Variants in UBE2G1 observed in about 807,000 individuals in gnomAD.
UBE2G1 encodes the protein ubiquitin-conjugating enzyme E2 G1.
UBE2G1 carries 5 observed loss-of-function variants against 22.7 expected under a neutral mutation model. That is an observed-to-expected ratio of 0.22 (90% CI 0.12 to 0.46). The LOEUF is 0.46. Among genes scored for constraint, UBE2G1 ranks in the 20% least tolerant of loss-of-function variants. The pLI, the probability that UBE2G1 is intolerant of heterozygous loss-of-function variation, is 0.99. For synonymous variants in UBE2G1, 74 were observed against 67.5 expected, an observed-to-expected ratio of 1.10 and a Z score of -0.47; for missense variants, 88 against 203.9, an observed-to-expected ratio of 0.43 and a Z score of 3.46.
intron 2 of UBE2G1, chr17:4,301,557 TG>T: frequency 7.5e-7 from 1 of 1,335,798 alleles, no homozygotes; most frequent in Non-Finnish European, 1.1e-6. Context: ...CTGGTATTCT[TG>T]GCCCAATGTA....
intron 5 of UBE2G1, among the ~76,000 whole-genome samples, chr17:4,280,625 C>T (rs1400810311): frequency 6.6e-6 from 1 of 150,978 alleles, no homozygotes; most frequent in Admixed American, 6.6e-5. Flanking sequence ...CATGAGCCAC[C>T]ATGCCCGGCT....
Position 4,307,025 on chromosome 17 carries a change from G to A in UBE2G1, c.145C>T (p.Leu49Phe), listed in dbSNP as rs747086121. Reference protein sequence around the residue: ...EVLIIGPPDTLYEGGVFKAHL... With the variant: ...EVLIIGPPDTFYEGGVFKAHL... ...TGTCAGTTCCATTATACTTACTAAA[G>A]TGTATCTGGAGGGCCAATAATAAGG... is the stretch of plus-strand genomic sequence containing the variant. The change falls in exon 2 of 6, where the codon CTT becomes TTT. Residue 49 changes from leucine to phenylalanine, a missense_variant. Physicochemically the swap from Leu to Phe is conservative, Grantham distance 22. This residue lies in a region of UBE2G1 where 50 missense variants were observed against 71.0 expected (regional missense o/e 0.70). Transcript: ENST00000396981. 2 of 1,612,308 alleles carry A rather than the reference G, an allele frequency of 1.2e-6. No individual in the cohort carries two copies. The highest frequency in any genetic ancestry group is 1.3e-5 in the African/African-American group (1 of 74,878).
chr17:4,284,269 A>G (rs1461752243), intron 4 of UBE2G1, among the ~76,000 whole-genome samples: 2 of 152,052 alleles, frequency 1.3e-5, no homozygotes, highest in Non-Finnish European at 2.9e-5. Context: ...ATAATAATAT[A>G]TAAACTTTAT....
intron 1 of UBE2G1, among the ~76,000 whole-genome samples, chr17:4,312,085 T>C (rs1969316620): frequency 6.6e-6 from 1 of 151,644 alleles, no homozygotes; most frequent in South Asian, 2.1e-4. Flanking sequence ...TCATCTCCAC[T>C]AAAAATACAA....
chr17:4,364,713 G>A (rs190784301), intron 1 of UBE2G1, among the ~76,000 whole-genome samples: 82 of 152,204 alleles, frequency 5.4e-4, no homozygotes, highest in Non-Finnish European at 6.5e-4. Context: ...CTGAGTAGCT[G>A]GGATTACAGG....
At chr17:4,349,619 G>A (rs1292818143) in intron 1 of UBE2G1, among the ~76,000 whole-genome samples, 3 of 151,834 alleles carry the variant, frequency 2.0e-5, no homozygotes, top group Admixed American at 1.3e-4. Flanking sequence ...CGAGGTGGGC[G>A]GATCACGAGG....
intron 1 of UBE2G1, among the ~76,000 whole-genome samples, chr17:4,317,513 C>A (rs1969389127): frequency 6.6e-6 from 1 of 152,074 alleles, no homozygotes; most frequent in Non-Finnish European, 1.5e-5. Context: ...AGAGTGAGAC[C>A]CTGTCTCAAA....
chr17:4,301,409 G>C, intron 2 of UBE2G1: 1 of 636,330 alleles, frequency 1.6e-6, no homozygotes, highest in Non-Finnish European at 3.0e-6. Context: ...CAGTCACCTG[G>C]CTATGACTTT....
At chr17:4,299,391 T>G (rs983547634) in intron 2 of UBE2G1, among the ~76,000 whole-genome samples, 1 of 152,034 alleles carries the variant, frequency 6.6e-6, no homozygotes, top group Non-Finnish European at 1.5e-5. Flanking sequence ...AGAGTGAGAC[T>G]CTGTCTCAAC....
At chr17:4,318,375 G>A (rs184424574) in intron 1 of UBE2G1, among the ~76,000 whole-genome samples, 215 of 152,104 alleles carry the variant, frequency 1.4e-3, no homozygotes, top group Middle Eastern at 0.01. Context: ...CAAGGCCCCC[G>A]GTACCCCAAG....
At chr17:4,340,903 A>AAAC (rs1969704214) in intron 1 of UBE2G1, among the ~76,000 whole-genome samples, 1 of 150,478 alleles carries the variant, frequency 6.6e-6, no homozygotes, top group African/African-American at 2.5e-5. Flanking sequence ...TTAAAAAAAA[A>AAAC]AAAAAAAAAC....
At chr17:4,321,044 G>C (rs1327023603) in intron 1 of UBE2G1, among the ~76,000 whole-genome samples, 1 of 152,120 alleles carries the variant, frequency 6.6e-6, no homozygotes. Context: ...ACTGTTCTGG[G>C]GGATGAAGAG....
At position 4,366,334 on chromosome 17, in the gene UBE2G1, C is replaced by T. The variant is rs1159754374; in HGVS notation, c.-18G>A. ...TCCGTCATCCTCCCTGCCGAGGGCC[C>T]GGGCTGGCGCCGGGGCTTCCGAAGG... is the stretch of plus-strand genomic sequence containing the variant. On this transcript the variant is annotated 5_prime_UTR_variant, in exon 1 of 6. Coordinates refer to ENST00000396981, the MANE Select transcript of UBE2G1 (RefSeq NM_003342.5). The T allele has an allele frequency of 6.5e-7, 1 of 1,533,508 alleles. No individual in the cohort carries two copies. The highest frequency in any genetic ancestry group is 2.7e-5 in the East Asian group (1 of 37,394). The allele number at this position is 1,533,508 out of a possible 1,614,324, so 95.0% of individuals were successfully genotyped here.
chr17:4,281,836 G>A (rs1303954226), intron 5 of UBE2G1, among the ~76,000 whole-genome samples: 2 of 152,106 alleles, frequency 1.3e-5, no homozygotes, highest in Non-Finnish European at 2.9e-5. Context: ...TCCCTGAAAG[G>A]ATAGTCTTCA....
chr17:4,287,035 A>G (rs909716232), intron 4 of UBE2G1, among the ~76,000 whole-genome samples: 1 of 152,054 alleles, frequency 6.6e-6, no homozygotes, highest in African/African-American at 2.4e-5. Flanking sequence ...TGGGCATCAG[A>G]GCAAGACTCT....
At chr17:4,364,065 C>T (rs1331645044) in intron 1 of UBE2G1, 1 of 150,004 alleles carries the variant, frequency 6.7e-6, no homozygotes, top group Non-Finnish European at 1.5e-5. Context: ...GAGTTCAAGA[C>T]CAGCCTAGCC....
chr17:4,308,671 T>C (rs1365158763), intron 1 of UBE2G1, among the ~76,000 whole-genome samples: 11 of 152,224 alleles, frequency 7.2e-5, no homozygotes, highest in Non-Finnish European at 1.0e-4. Context: ...TGAGTACTCA[T>C]TGGCTCAAAT....
chr17:4,292,697 C>T (rs1969056437), intron 3 of UBE2G1, among the ~76,000 whole-genome samples: 1 of 152,232 alleles, frequency 6.6e-6, no homozygotes, highest in South Asian at 2.1e-4. Context: ...TGAACATTCT[C>T]TCAGTCACTT....
At chr17:4,296,514 G>A (rs893589805) in intron 3 of UBE2G1, among the ~76,000 whole-genome samples, 1 of 152,096 alleles carries the variant, frequency 6.6e-6, no homozygotes, top group Non-Finnish European at 1.5e-5. Flanking sequence ...CCGCCTGCCT[G>A]GCCTGCTGGG....
Sources: allele counts gnomAD v4.1 joint callset (sites outside exome capture counted in the v4.1 genomes callset), GRCh38; gene constraint gnomAD v4.1.1; regional missense constraint gnomAD v4.1.1; transcripts MANE v1.5; gene names NCBI Gene and HGNC (gene_info 2026-07-23, HGNC 2026-07-21).